BRWD3: variants seen among roughly 807,000 people sequenced by gnomAD.
The protein encoded by BRWD3 is bromodomain and WD repeat-containing protein 3.
BRWD3 carries 10 observed loss-of-function variants against 149.7 expected under a neutral mutation model. The ratio of observed to expected loss-of-function variants is 0.07; its 90% CI spans 0.04 to 0.11. The LOEUF (loss-of-function observed/expected upper bound fraction) is 0.11, where lower values mean the gene tolerates loss of function less well. Among genes scored for constraint, BRWD3 ranks in the 10% least tolerant of loss-of-function variants. The pLI is 1.00. For synonymous variants in BRWD3, 504 were observed against 456.7 expected, an observed-to-expected ratio of 1.10 and a Z score of -1.32; for missense variants, 940 against 1,373.2, an observed-to-expected ratio of 0.68 and a Z score of 4.99.
At position 80,719,491 on chromosome X, in the gene BRWD3, C is replaced by T; in HGVS notation, c.2042G>A (p.Gly681Asp). Reference protein sequence around the residue: ...LPVNRAYSVNGALRSPNMDIS... With the variant: ...LPVNRAYSVNDALRSPNMDIS... ...TTTACAAGTATAAAAATACTTACCACCATTAACAGAGTATGCTCTATTAAC... is the reference window on the plus strand; with the variant it reads ...TTTACAAGTATAAAAATACTTACCATCATTAACAGAGTATGCTCTATTAAC... Residue 681 changes from glycine (G) to aspartate (D), a missense_variant and splice_region_variant, in exon 18 of 41, where the codon GGT (glycine) becomes GAT (aspartate). Gly to Asp is a moderately conservative substitution (Grantham distance 94). Around this residue, in one of 6 missense-constraint regions of BRWD3, gnomAD observed 103 missense variants for 103.2 expected, o/e 1.00. Transcript: ENST00000373275. 8.3e-7 allele frequency: 1 copy of T among 1,205,149 alleles called. No homozygotes were observed. The highest frequency in any genetic ancestry group is 1.7e-5 in the African/African-American group (1 of 57,677).
At chrX:80,710,748 T>C (rs972055336) in intron 20 of BRWD3, 3 of 508,936 alleles carry the variant, frequency 5.9e-6, no homozygotes, top group South Asian at 2.4e-5. Flanking sequence ...AAATATGTAA[T>C]AATGCTGGAA....
At position 80,693,270 on chromosome X, in the gene BRWD3, C is replaced by T. The variant is rs1475227349; in HGVS notation, c.3152-219G>A. Among the ~76,000 whole-genome samples the T allele has an allele frequency of 3.6e-5, 4 of 111,850 alleles. No individual in the cohort carries two copies. The Admixed American group carries it at 3.8e-4, about 11-fold the overall frequency. On this transcript the variant is annotated intron_variant, in intron 27 of 40. Coordinates refer to ENST00000373275, the MANE Select transcript of BRWD3 (RefSeq NM_153252.5). ...TCTTTCTGAAATAAATTACATATGA[C>T]CACATCTTAAATAAATACTACCAAG...
chrX:80,797,639 G>A (rs1416367519), intron 4 of BRWD3, among the ~76,000 whole-genome samples: 1 of 111,428 alleles, frequency 9.0e-6, no homozygotes, highest in African/African-American at 3.3e-5. Context: ...ATCATTAATG[G>A]TTACAAATGA....
intron 12 of BRWD3, 113 bp from the exon 13 acceptor site, chrX:80,730,133 G>A: frequency 1.9e-6 from 1 of 514,594 alleles, no homozygotes; most frequent in Admixed American, 2.9e-5. Context: ...ATGTAAAATG[G>A]TACAGTCACT....
chrX:80,695,426 T>C (rs2072674098), intron 27 of BRWD3, among the ~76,000 whole-genome samples: 1 of 111,817 alleles, frequency 8.9e-6, no homozygotes, highest in Non-Finnish European at 1.9e-5. Context: ...TGTTATACAA[T>C]AGAGCTATAA....
intron 3 of BRWD3, 132 bp downstream of exon 3, chrX:80,808,881 C>A: frequency 2.7e-6 from 2 of 730,570 alleles, no homozygotes; most frequent in South Asian, 2.3e-5. Context: ...GAAGCCAATT[C>A]ACCCCGGTGA....
intron 4 of BRWD3, among the ~76,000 whole-genome samples, chrX:80,801,378 G>A (rs1204383454): frequency 5.7e-5 from 6 of 106,068 alleles, no homozygotes; most frequent in Admixed American, 3.1e-4. Context: ...CTGCCACCGC[G>A]CCTAATTTTT....
At chrX:80,691,288 A>G in intron 30 of BRWD3, 115 bp from the exon 31 acceptor site, 1 of 782,740 alleles carries the variant, frequency 1.3e-6, no homozygotes, top group Non-Finnish European at 1.8e-6. Context: ...CTTTTCTAAA[A>G]CCATGAGGAT....
At chrX:80,678,162 C>T (rs772881588) in intron 40 of BRWD3, among the ~76,000 whole-genome samples, 1 of 112,211 alleles carries the variant, frequency 8.9e-6, no homozygotes, top group South Asian at 3.7e-4. Flanking sequence ...TGGGCATCCA[C>T]TGCAGTATTC....
chrX:80,766,503 G>A (rs1479338667), intron 6 of BRWD3, among the ~76,000 whole-genome samples: 1 of 111,946 alleles, frequency 8.9e-6, no homozygotes, highest in Non-Finnish European at 1.9e-5. Flanking sequence ...CACTACATAT[G>A]CACAAGAAAA....
chrX:80,772,909 T>C (rs2073961441), intron 6 of BRWD3, among the ~76,000 whole-genome samples: 1 of 111,931 alleles, frequency 8.9e-6, no homozygotes, highest in Non-Finnish European at 1.9e-5. Flanking sequence ...CACTCAGCAA[T>C]GAAAAGGAAT....
In BRWD3 at chrX:80,682,628, T is replaced by G. The variant is rs770450843; in HGVS notation, c.4234A>C (p.Ile1412Leu). 17 of 1,204,313 alleles carry G rather than the reference T, an allele frequency of 1.4e-5. No homozygotes were observed. The East Asian group carries it at 4.8e-4, about 34-fold the overall frequency. The part of the protein sequence containing the change: ...KAYTSNKKSR[I>L]YSMMLRLSAL... ...GATAATCGCAGCATCATGCTATAGA[T>G]CTGAGAAGGCAGAAATTATATAGTC... Residue 1412 changes from isoleucine to leucine, a missense_variant and splice_region_variant, in exon 38 of 41, where the codon ATC becomes CTC. By Grantham distance (5) the Ile-to-Leu change is conservative. Around this residue, in one of 6 missense-constraint regions of BRWD3, gnomAD observed 349 missense variants for 419.6 expected, o/e 0.83. Coordinates refer to ENST00000373275, the MANE Select transcript of BRWD3 (RefSeq NM_153252.5).
At position 80,673,526 on chromosome X, in the gene BRWD3, C is replaced by A. The variant is rs987452216; in HGVS notation, c.*3083G>T. On this transcript the variant is annotated 3_prime_UTR_variant, in exon 41 of 41. Transcript: ENST00000373275. ...CTTTACACACATACAAGTGCACAAA[C>A]ACACATATACAAAAATTTAGTAAGT... 1.2e-4 allele frequency: 13 copies of A among 111,311 alleles called. No homozygotes were observed. Among genetic ancestry groups the A allele is most frequent in the African/African-American group, 4.2e-4 (13 of 30,694 alleles). 9.2% of individuals were successfully genotyped at this position (111,311 alleles called of 1,213,427 possible).
chrX:80,743,438 T>C (rs982343830), intron 8 of BRWD3, among the ~76,000 whole-genome samples: 1 of 111,989 alleles, frequency 8.9e-6, no homozygotes, highest in African/African-American at 3.2e-5. Flanking sequence ...ATTCCCTCTT[T>C]TTCTATTGAT....
At chrX:80,809,411 A>ACCC in intron 1 of BRWD3, 30 bp downstream of exon 1, 1 of 1,066,601 alleles carries the variant, frequency 9.4e-7, no homozygotes, top group Non-Finnish European at 1.3e-6. Flanking sequence ...TTCCCTTAGC[A>ACCC]CCCCCCCACC....
chrX:80,716,629 G>A (rs756095082), intron 19 of BRWD3, among the ~76,000 whole-genome samples: 14 of 112,018 alleles, frequency 1.2e-4, no homozygotes, highest in African/African-American at 3.6e-4. Context: ...GTTTATCCAC[G>A]TTGTAGCAGG....
At chrX:80,718,389 A>G (rs1322608762) in intron 18 of BRWD3, among the ~76,000 whole-genome samples, 2 of 112,142 alleles carry the variant, frequency 1.8e-5, no homozygotes, top group African/African-American at 6.5e-5. Flanking sequence ...AAACAAATCA[A>G]TATTACAAAT....
chrX:80,690,207 T>A (rs1012999906), intron 31 of BRWD3, 115 bp from the exon 32 acceptor site: 1 of 734,609 alleles, frequency 1.4e-6, no homozygotes, highest in African/African-American at 2.1e-5. Flanking sequence ...GGTGTTCCAA[T>A]ATGCATATAA....
chrX:80,673,441 A>G lies in BRWD3; in HGVS notation c.*3168T>C, dbSNP rs1046641346. On this transcript the variant is annotated 3_prime_UTR_variant, in exon 41 of 41. Coordinates refer to ENST00000373275, the MANE Select transcript of BRWD3 (RefSeq NM_153252.5). The stretch of plus-strand genomic sequence containing the variant: ...GCAAAAAGTTGGCAGACTGTCCTCC[A>G]TACAAAATGTTCTCTTTTTTTGAAT... 6 of 111,585 alleles carry G rather than the reference A, an allele frequency of 5.4e-5. No homozygotes were observed. Among genetic ancestry groups the G allele is most frequent in the South Asian group, 3.7e-4 (1 of 2,673 alleles). 9.2% of individuals were successfully genotyped at this position (111,585 alleles called of 1,213,427 possible).
Sources: gnomAD v4.1 joint callset for allele counts (sites outside exome capture counted in the v4.1 genomes callset) on GRCh38, gnomAD v4.1.1 for gene constraint, gnomAD v4.1.1 regional missense constraint, MANE v1.5 for transcripts, NCBI Gene and HGNC (gene_info 2026-07-23, HGNC 2026-07-21) for gene names.